Variants in COX7B2 observed in about 807,000 individuals in gnomAD.
COX7B2 encodes cytochrome c oxidase subunit 7B2, mitochondrial.
For missense variants in COX7B2, 109 were observed against 95.9 expected, an observed-to-expected ratio of 1.14 and a Z score of -0.57; for synonymous variants, 37 against 32.1, an observed-to-expected ratio of 1.15 and a Z score of -0.51.
intron 2 of COX7B2, among the ~76,000 whole-genome samples, chr4:46,795,580 C>T (rs1218177022): frequency 7.2e-6 from 1 of 138,546 alleles, no homozygotes; most frequent in Non-Finnish European, 1.5e-5. Flanking sequence ...TGTACCAGTA[C>T]CATGCTGTTT....
At chr4:46,770,849 T>C (rs1716836413) in intron 2 of COX7B2, among the ~76,000 whole-genome samples, 1 of 152,106 alleles carries the variant, frequency 6.6e-6, no homozygotes, top group Non-Finnish European at 1.5e-5. Context: ...GACTTAAAAA[T>C]AAGACCGGAA....
chr4:46,777,717 C>A (rs1047666123), intron 2 of COX7B2, among the ~76,000 whole-genome samples: 2 of 152,034 alleles, frequency 1.3e-5, no homozygotes, highest in Non-Finnish European at 2.9e-5. Flanking sequence ...AAATAAGAAC[C>A]AAAAGACTAG....
chr4:46,829,005 T>G (rs1311924607), intron 2 of COX7B2, among the ~76,000 whole-genome samples: 1 of 152,154 alleles, frequency 6.6e-6, no homozygotes, highest in Non-Finnish European at 1.5e-5. Context: ...TGAACTATTA[T>G]TACTCCTTTC....
At chr4:46,858,844 A>G (rs1717168122) in intron 1 of COX7B2, among the ~76,000 whole-genome samples, 1 of 152,212 alleles carries the variant, frequency 6.6e-6, no homozygotes, top group Non-Finnish European at 1.5e-5. Context: ...CAGTTATAAC[A>G]GCCTAACATG....
At chr4:46,742,440 C>T (rs747602191) in intron 2 of COX7B2, among the ~76,000 whole-genome samples, 12 of 152,256 alleles carry the variant, frequency 7.9e-5, no homozygotes, top group East Asian at 3.9e-4. Flanking sequence ...TAAGTGTACA[C>T]GGTGCAAAGT....
chr4:46,881,525 G>A (rs1299646049), intron 1 of COX7B2, among the ~76,000 whole-genome samples: 1 of 152,160 alleles, frequency 6.6e-6, no homozygotes, highest in African/African-American at 2.4e-5. Context: ...CACTGTGGGA[G>A]GCCGACGTGG....
chr4:46,769,645 G>A (rs1716755612), intron 2 of COX7B2, among the ~76,000 whole-genome samples: 1 of 152,148 alleles, frequency 6.6e-6, no homozygotes, highest in Admixed American at 6.5e-5. Context: ...GAGCCTGGGA[G>A]GCAGCGATTG....
intron 1 of COX7B2, among the ~76,000 whole-genome samples, chr4:46,908,645 A>G (rs1388380354): frequency 2.7e-5 from 4 of 150,908 alleles, no homozygotes; most frequent in Non-Finnish European, 5.9e-5. Context: ...TTTTACTCCC[A>G]TCCTATGTCC....
At chr4:46,735,542 C>T (rs965166329) in intron 2 of COX7B2, among the ~76,000 whole-genome samples, 1 of 152,182 alleles carries the variant, frequency 6.6e-6, no homozygotes, top group Non-Finnish European at 1.5e-5. Context: ...ATTGACTCTA[C>T]AGACTACAAA....
intron 1 of COX7B2, among the ~76,000 whole-genome samples, chr4:46,854,296 A>G (rs968335298): frequency 2.6e-5 from 4 of 152,226 alleles, no homozygotes; most frequent in Non-Finnish European, 5.9e-5. Context: ...TCTTTACATA[A>G]TATATGAAAG....
chr4:46,762,765 A>G (rs919355360), intron 2 of COX7B2, among the ~76,000 whole-genome samples: 1 of 147,330 alleles, frequency 6.8e-6, no homozygotes, highest in Admixed American at 7.0e-5. Flanking sequence ...ACTACAATAG[A>G]TGTTATTATC....
chr4:46,888,399 A>G (rs573134221), intron 1 of COX7B2, among the ~76,000 whole-genome samples: 2 of 151,838 alleles, frequency 1.3e-5, no homozygotes, highest in East Asian at 3.9e-4. Context: ...AATACATACA[A>G]TTTAAGTAAC....
intron 1 of COX7B2, among the ~76,000 whole-genome samples, chr4:46,881,314 G>C (rs112087152): frequency 5.3e-5 from 8 of 152,326 alleles, no homozygotes; most frequent in African/African-American, 1.9e-4. Context: ...ACAACTGGAA[G>C]CAAAGGCAGG....
chr4:46,869,765 T>A (rs1717874561), intron 1 of COX7B2, among the ~76,000 whole-genome samples: 1 of 152,162 alleles, frequency 6.6e-6, no homozygotes, highest in African/African-American at 2.4e-5. Flanking sequence ...GGTGTTTTCT[T>A]TGTAGGTGAC....
At chr4:46,908,010 C>T (rs1451198829) in intron 1 of COX7B2, among the ~76,000 whole-genome samples, 3 of 151,866 alleles carry the variant, frequency 2.0e-5, no homozygotes, top group Admixed American at 2.0e-4. Context: ...CGTGCGACCA[C>T]GCCTGGCTAA....
At chr4:46,865,799 C>A (rs190912012) in intron 1 of COX7B2, among the ~76,000 whole-genome samples, 157 of 152,282 alleles carry the variant, frequency 1.0e-3, no homozygotes, top group African/African-American at 3.6e-3. Context: ...TCATCAACAT[C>A]CCCAGGATAG....
At chr4:46,886,253 A>C (rs191571611) in intron 1 of COX7B2, among the ~76,000 whole-genome samples, 1 of 152,290 alleles carries the variant, frequency 6.6e-6, no homozygotes, top group Admixed American at 6.5e-5. Flanking sequence ...GAGACCATAA[A>C]AATGTATTTT....
At chr4:46,747,019 C>T (rs1025831662) in intron 2 of COX7B2, among the ~76,000 whole-genome samples, 1 of 152,044 alleles carries the variant, frequency 6.6e-6, no homozygotes, top group Non-Finnish European at 1.5e-5. Flanking sequence ...TGCTATGTCA[C>T]CAAAAATATG....
intron 1 of COX7B2, among the ~76,000 whole-genome samples, chr4:46,905,814 CTTTTTTTTTTTTTTT>C (rs761904309): frequency 4.2e-5 from 3 of 71,690 alleles, no homozygotes; most frequent in Admixed American, 2.1e-4. Context: ...GCATATATTT[CTTTTTTTTTTTTTTT>C]TTTTTTTTTT....
Sources: gnomAD v4.1 joint callset for allele counts (sites outside exome capture counted in the v4.1 genomes callset) on GRCh38, gnomAD v4.1.1 for gene constraint, MANE v1.5 for transcripts, NCBI Gene and HGNC (gene_info 2026-07-23, HGNC 2026-07-21) for gene names.